Variants in SNTG1 observed in about 807,000 individuals in gnomAD.
SNTG1 encodes the protein gamma-1-syntrophin.
SNTG1 carries 39 observed loss-of-function variants against 74.7 expected under a neutral mutation model. That is an observed-to-expected ratio of 0.52 (90% CI 0.40 to 0.68). The LOEUF (loss-of-function observed/expected upper bound fraction) is 0.68. Ranked by LOEUF, SNTG1 falls within the 30% of genes least tolerant of loss-of-function variation. The pLI, the probability that SNTG1 is intolerant of heterozygous loss-of-function variation, is 0.00. For synonymous variants in SNTG1, 254 were observed against 217.1 expected (o/e 1.17, Z -1.49); for missense variants, 685 against 609.5 (o/e 1.12, Z -1.30).
chr8:50,203,111 T>C (rs2084053776), intron 2 of SNTG1, among the ~76,000 whole-genome samples: 1 of 152,142 alleles, frequency 6.6e-6, no homozygotes, highest in African/African-American at 2.4e-5. Flanking sequence ...TTTTTCCATT[T>C]CAGTTGGGAA....
chr8:50,095,746 TA>T lies in SNTG1; in HGVS notation c.-102-76808del, dbSNP rs1010113758. 6.6e-5 allele frequency among the ~76,000 whole-genome samples: 10 copies of T among 152,114 alleles called. No homozygotes were observed. The South Asian group carries it at 1.2e-3, about 19-fold the overall frequency. ...CTTTTAAAGTGCCTTTAAATACAGG[TA>T]AAAAAATGTGGAAAAAAACTGAAGA... On this transcript the variant is annotated intron_variant, in intron 1 of 18. Coordinates refer to ENST00000642720, the MANE Select transcript of SNTG1 (RefSeq NM_018967.5).
chr8:50,529,487 CATT>C (rs917305931), intron 9 of SNTG1, among the ~76,000 whole-genome samples: 10 of 151,838 alleles, frequency 6.6e-5, no homozygotes, highest in African/African-American at 2.2e-4. Context: ...TATTTATAAA[CATT>C]AGTAACTTTA....
chr8:50,648,158 C>G (rs1400679849), intron 13 of SNTG1, among the ~76,000 whole-genome samples: 2 of 152,126 alleles, frequency 1.3e-5, no homozygotes, highest in Non-Finnish European at 2.9e-5. Flanking sequence ...CCTCACAGAT[C>G]TGATAATCCC....
chr8:49,913,449 G>T (rs901884964), intron 1 of SNTG1, among the ~76,000 whole-genome samples: 4 of 152,160 alleles, frequency 2.6e-5, no homozygotes, highest in African/African-American at 9.7e-5. Flanking sequence ...CATTGGTGGG[G>T]TGATGTCCTC....
chr8:50,108,812 C>A (rs573676679), intron 1 of SNTG1, among the ~76,000 whole-genome samples: 2 of 152,220 alleles, frequency 1.3e-5, no homozygotes, highest in African/African-American at 4.8e-5. Flanking sequence ...CAATACATTG[C>A]TCAAGGAACC....
At chr8:50,340,931 G>A (rs1249484616) in intron 2 of SNTG1, among the ~76,000 whole-genome samples, 1 of 151,832 alleles carries the variant, frequency 6.6e-6, no homozygotes. Flanking sequence ...AGCACAAATT[G>A]CTTCACTTGT....
chr8:50,507,738 G>T (rs1438430744), intron 9 of SNTG1, among the ~76,000 whole-genome samples: 1 of 151,822 alleles, frequency 6.6e-6, no homozygotes, highest in Non-Finnish European at 1.5e-5. Flanking sequence ...CAACGTGCAG[G>T]TTAGCTACAT....
intron 1 of SNTG1, among the ~76,000 whole-genome samples, chr8:50,010,821 G>A (rs1448537671): frequency 2.0e-5 from 3 of 148,146 alleles, no homozygotes; most frequent in African/African-American, 7.5e-5. Context: ...TGAGGTGGAG[G>A]GGGAAGAGGA....
chr8:50,777,679 C>A (rs905005642), intron 18 of SNTG1, among the ~76,000 whole-genome samples: 2 of 150,630 alleles, frequency 1.3e-5, no homozygotes, highest in Non-Finnish European at 3.0e-5. Context: ...TTTTTTCTCT[C>A]TCTCTCTTTT....
At chr8:50,567,277 A>G (rs187565937) in intron 12 of SNTG1, among the ~76,000 whole-genome samples, 3 of 152,182 alleles carry the variant, frequency 2.0e-5, no homozygotes, top group East Asian at 1.9e-4. Flanking sequence ...TCATGAATCA[A>G]TCCTTCCCAA....
chr8:50,783,328 C>T (rs2095665590), intron 18 of SNTG1, among the ~76,000 whole-genome samples: 1 of 152,238 alleles, frequency 6.6e-6, no homozygotes, highest in African/African-American at 2.4e-5. Flanking sequence ...GGCAGGCCTC[C>T]TTGAGCTATT....
At chr8:50,227,588 C>G (rs1048498785) in intron 2 of SNTG1, among the ~76,000 whole-genome samples, 2 of 150,500 alleles carry the variant, frequency 1.3e-5, no homozygotes, top group Non-Finnish European at 1.5e-5. Flanking sequence ...AAAAAAATTT[C>G]ATCATCAGGT....
At chr8:50,362,772 G>A (rs2091996168) in intron 2 of SNTG1, among the ~76,000 whole-genome samples, 1 of 152,034 alleles carries the variant, frequency 6.6e-6, no homozygotes, top group Non-Finnish European at 1.5e-5. Context: ...TGTTATATAT[G>A]GTGAGTTTTA....
chr8:50,696,990 G>T (rs2095407520), intron 15 of SNTG1, among the ~76,000 whole-genome samples: 1 of 151,968 alleles, frequency 6.6e-6, no homozygotes, highest in Admixed American at 6.6e-5. Flanking sequence ...TATGACATTG[G>T]TACTTTGATA....
intron 9 of SNTG1, among the ~76,000 whole-genome samples, chr8:50,506,788 G>A (rs1037301595): frequency 2.6e-5 from 4 of 151,782 alleles, no homozygotes; most frequent in African/African-American, 9.7e-5. Flanking sequence ...TTTGAATTTG[G>A]GTGACTTTTA....
In SNTG1 at chr8:50,350,227, CG is replaced by C. The variant is rs2091612614; in HGVS notation, c.-27-43984del. On this transcript the variant is annotated intron_variant, in intron 2 of 18. Transcript: ENST00000642720. ...CCACCCCGTGGGCTCCTGTGCAGCC[CG>C]AGCCTCCCTGACGAGTGCCGCCCCC... Among the ~76,000 whole-genome samples, 3 of 152,214 alleles carry C rather than the reference CG, an allele frequency of 2.0e-5. No homozygotes were observed. The South Asian group carries it at 6.2e-4, about 32-fold the overall frequency.
At position 50,792,734 on chromosome 8, in the gene SNTG1, G is replaced by T; in HGVS notation, c.1459G>T (p.Val487Leu). ...CATTCATTCCTTCTTTGCTGCCAAG[G>T]TAGCTTGTTTGGACCCTCTATTTTT... ...HCIHSFFAAK[V>L]ACLDPLFLGN... The change falls in exon 19 of 19, where the codon GTA (valine) becomes TTA (leucine). Residue 487 changes from valine to leucine, a missense_variant. Val to Leu is a conservative substitution (Grantham distance 32, BLOSUM62 1). Coordinates refer to ENST00000642720, the MANE Select transcript of SNTG1 (RefSeq NM_018967.5). The T allele has an allele frequency of 6.2e-7, 1 of 1,612,262 alleles. No homozygotes were observed.
At chr8:50,761,716 AG>A (rs1438972548) in intron 18 of SNTG1, among the ~76,000 whole-genome samples, 1 of 151,936 alleles carries the variant, frequency 6.6e-6, no homozygotes, top group African/African-American at 2.4e-5. Flanking sequence ...AGTTGGCAAA[AG>A]CACCATTCCA....
chr8:50,236,595 C>A (rs1005533284), intron 2 of SNTG1, among the ~76,000 whole-genome samples: 1 of 151,808 alleles, frequency 6.6e-6, no homozygotes, highest in Non-Finnish European at 1.5e-5. Flanking sequence ...GGACTACAGG[C>A]GCCCGCCACT....
Sources: allele counts gnomAD v4.1 joint callset (sites outside exome capture counted in the v4.1 genomes callset), GRCh38; gene constraint gnomAD v4.1.1; transcripts MANE v1.5; gene names NCBI Gene and HGNC (gene_info 2026-07-23, HGNC 2026-07-21).